Variants in CDKAL1 observed in about 807,000 individuals in gnomAD.
CDKAL1 encodes CDKAL1 threonylcarbamoyladenosine tRNA methylthiotransferase.
CDKAL1 carries 32 observed loss-of-function variants against 68.2 expected under a neutral mutation model. That is an observed-to-expected ratio of 0.47 (90% confidence interval 0.35 to 0.63). CDKAL1 has a LOEUF of 0.63. Among genes scored for constraint, CDKAL1 ranks in the 30% least tolerant of loss-of-function variants. CDKAL1 has a pLI of 0.00. For synonymous variants in CDKAL1, 234 were observed against 244.3 expected, an observed-to-expected ratio of 0.96 and a Z score of 0.39; for missense variants, 606 against 696.7, an observed-to-expected ratio of 0.87 and a Z score of 1.47.
chr6:20,650,516 C>A, intron 5 of CDKAL1, among the ~76,000 whole-genome samples: 1 of 152,092 alleles, frequency 6.6e-6, no homozygotes, highest in South Asian at 2.1e-4. Context: ...GTTGTCTGTT[C>A]ACTCTGATGA....
intron 9 of CDKAL1, among the ~76,000 whole-genome samples, chr6:20,860,163 C>T (rs1759538460): frequency 6.6e-6 from 1 of 152,076 alleles, no homozygotes; most frequent in South Asian, 2.1e-4. Context: ...CTGCAACCTT[C>T]GCCTCCCGGG....
At chr6:20,956,054 T>C (rs375110175) in intron 10 of CDKAL1, among the ~76,000 whole-genome samples, 53 of 152,286 alleles carry the variant, frequency 3.5e-4, no homozygotes, top group African/African-American at 1.3e-3. Flanking sequence ...TGGAGATACA[T>C]AGGGGTGAAG....
At chr6:20,696,519 AT>A (rs753044193) in intron 5 of CDKAL1, among the ~76,000 whole-genome samples, 1 of 152,212 alleles carries the variant, frequency 6.6e-6, no homozygotes, top group South Asian at 2.1e-4. Context: ...CAGACTTTTT[AT>A]TTTGAATTTC....
intron 11 of CDKAL1, among the ~76,000 whole-genome samples, chr6:21,046,187 A>C (rs1770218537): frequency 6.6e-6 from 1 of 152,238 alleles, no homozygotes; most frequent in Admixed American, 6.5e-5. Context: ...TGGTGTTAGA[A>C]GATGCCACAC....
chr6:20,644,654 C>T (rs541789349), intron 4 of CDKAL1, among the ~76,000 whole-genome samples: 5 of 152,084 alleles, frequency 3.3e-5, no homozygotes, highest in African/African-American at 1.2e-4. Flanking sequence ...GGCAACAGAG[C>T]GAGACTCCGT....
At chr6:21,174,564 A>C (rs75059873) in intron 13 of CDKAL1, among the ~76,000 whole-genome samples, 2,280 of 152,274 alleles carry the variant, frequency 0.015, 39 homozygotes, top group Non-Finnish European at 0.02. Context: ...ACTACAAAAA[A>C]ATATTTGTTC....
At chr6:20,839,115 T>TC (rs201948224) in intron 8 of CDKAL1, among the ~76,000 whole-genome samples, 18 of 152,136 alleles carry the variant, frequency 1.2e-4, no homozygotes, top group South Asian at 2.1e-4. Flanking sequence ...GCTTTTTTTT[T>TC]CCCCCTGTAC....
At chr6:20,939,280 C>T (rs1409081608) in intron 9 of CDKAL1, among the ~76,000 whole-genome samples, 1 of 152,146 alleles carries the variant, frequency 6.6e-6, no homozygotes, top group East Asian at 1.9e-4. Context: ...TTACTAATTT[C>T]TCTCCATTGG....
chr6:21,033,864 G>A, intron 11 of CDKAL1, among the ~76,000 whole-genome samples: 1 of 152,266 alleles, frequency 6.6e-6, no homozygotes, highest in Admixed American at 6.5e-5. Flanking sequence ...GTTGAATTAG[G>A]ATAGAAAATA....
intron 15 of CDKAL1, among the ~76,000 whole-genome samples, chr6:21,221,748 C>T (rs1779546377): frequency 6.6e-6 from 1 of 152,164 alleles, no homozygotes; most frequent in Non-Finnish European, 1.5e-5. Context: ...ACTTCAAGCT[C>T]TTAACAGTGC....
At chr6:20,586,051 A>G (rs1489554205) in intron 4 of CDKAL1, among the ~76,000 whole-genome samples, 1 of 152,210 alleles carries the variant, frequency 6.6e-6, no homozygotes, top group Non-Finnish European at 1.5e-5. Context: ...GGAGTCAAGG[A>G]TAACTACTTG....
At chr6:21,070,174 T>C (rs1771695971) in intron 12 of CDKAL1, among the ~76,000 whole-genome samples, 1 of 152,168 alleles carries the variant, frequency 6.6e-6, no homozygotes, top group African/African-American at 2.4e-5. Context: ...TTGCTGATCG[T>C]TTGGTTCCAC....
intron 4 of CDKAL1, among the ~76,000 whole-genome samples, chr6:20,586,809 TC>T (rs1765374333): frequency 1.3e-5 from 2 of 152,144 alleles, no homozygotes; most frequent in Non-Finnish European, 2.9e-5. Flanking sequence ...AAGATTTATA[TC>T]ATGTTCTGAG....
rs879501845 is a variant in CDKAL1 at position 20,985,443 on chromosome 6, G to A, written c.910-14784G>A. 7.2e-5 allele frequency among the ~76,000 whole-genome samples: 11 copies of A among 152,050 alleles called. No homozygotes were observed. In the East Asian group the frequency reaches 7.7e-4, roughly 11 times the overall value. On this transcript the variant is annotated intron_variant, in intron 10 of 15. Coordinates refer to ENST00000274695, the MANE Select transcript of CDKAL1 (RefSeq NM_017774.3). ...CAAGTAGCTGGGATTATAGGCACCC[G>A]CCACCACTCCCAGCTAATTTTTTGT...
At chr6:20,781,826 T>C (rs536788261) in intron 8 of CDKAL1, among the ~76,000 whole-genome samples, 21 of 152,352 alleles carry the variant, frequency 1.4e-4, no homozygotes, top group African/African-American at 3.6e-4. Context: ...TATGCATTTA[T>C]TGAATTTTTG....
chr6:21,100,564 T>A (rs1773530852), intron 12 of CDKAL1, among the ~76,000 whole-genome samples: 1 of 152,208 alleles, frequency 6.6e-6, no homozygotes, highest in Non-Finnish European at 1.5e-5. Flanking sequence ...AGCCACAGCC[T>A]TCTTTTTCTT....
At chr6:20,868,385 C>G (rs1437078395) in intron 9 of CDKAL1, among the ~76,000 whole-genome samples, 1 of 152,192 alleles carries the variant, frequency 6.6e-6, no homozygotes, top group African/African-American at 2.4e-5. Flanking sequence ...AATTTACACA[C>G]TAGGTTGGTA....
rs184955147 is a variant in CDKAL1, at chr6:21,217,476, T to A, written c.1549-13372T>A. On this transcript the variant is annotated intron_variant, in intron 15 of 15. Coordinates refer to ENST00000274695, the MANE Select transcript of CDKAL1 (RefSeq NM_017774.3). ...TACCCAGCTAAGTTTTATTTTTTAT[T>A]TTTTATTTTTATTTATTTATTTTTA... 1.8e-3 allele frequency among the ~76,000 whole-genome samples: 268 copies of A among 150,056 alleles called. 1 individual carries two copies. Among genetic ancestry groups the A allele is most frequent in the Non-Finnish European group, 3.4e-3 (228 of 67,472 alleles).
At chr6:20,643,691 G>A (rs1768297515) in intron 4 of CDKAL1, among the ~76,000 whole-genome samples, 1 of 152,164 alleles carries the variant, frequency 6.6e-6, no homozygotes, top group African/African-American at 2.4e-5. Flanking sequence ...ATTGTGGGTT[G>A]GCTCAGAGCT....
Sources: gnomAD v4.1 joint callset for allele counts (sites outside exome capture counted in the v4.1 genomes callset) on GRCh38, gnomAD v4.1.1 for gene constraint, MANE v1.5 for transcripts, NCBI Gene and HGNC (gene_info 2026-07-23, HGNC 2026-07-21) for gene names.